Variants in PDGFD observed in about 807,000 individuals in gnomAD.
PDGFD encodes platelet-derived growth factor D.
In PDGFD, 30 loss-of-function variants were observed where a neutral mutation model predicts 44.7. The ratio of observed to expected loss-of-function variants is 0.67; its 90% CI spans 0.50 to 0.91. The LOEUF is 0.91. PDGFD is among the 40% of genes least tolerant of loss of function. The pLI, the probability that PDGFD is intolerant of heterozygous loss-of-function variation, is 0.00. For missense variants in PDGFD, 445 were observed against 457.8 expected (o/e 0.97, Z 0.25); for synonymous variants, 173 against 168.4 (o/e 1.03, Z -0.21).
intron 1 of PDGFD, among the ~76,000 whole-genome samples, chr11:104,157,276 G>T (rs192666682): frequency 3.0e-4 from 45 of 152,262 alleles, no homozygotes; most frequent in African/African-American, 1.1e-3. Flanking sequence ...TATTAAAAAT[G>T]AAATGATTCC....
At chr11:103,915,120 T>G (rs978990636) in intron 6 of PDGFD, among the ~76,000 whole-genome samples, 15 of 152,012 alleles carry the variant, frequency 9.9e-5, no homozygotes, top group African/African-American at 3.1e-4. Flanking sequence ...TAGAAAGAAA[T>G]AAAGGGTATT....
At chr11:104,119,111 A>G (rs368954130) in intron 1 of PDGFD, among the ~76,000 whole-genome samples, 2 of 64,122 alleles carry the variant, frequency 3.1e-5, no homozygotes, top group African/African-American at 6.7e-5. Flanking sequence ...ATAATATATT[A>G]ATATAATATA....
At chr11:104,055,230 C>A (rs1434783910) in intron 1 of PDGFD, among the ~76,000 whole-genome samples, 2 of 152,146 alleles carry the variant, frequency 1.3e-5, no homozygotes, top group Non-Finnish European at 2.9e-5. Context: ...TTGGAAGGAG[C>A]GCAGATGTGT....
chr11:104,053,731 C>T (rs964150505), intron 1 of PDGFD, among the ~76,000 whole-genome samples: 7 of 152,114 alleles, frequency 4.6e-5, no homozygotes, highest in African/African-American at 1.7e-4. Flanking sequence ...CAGGATATTA[C>T]AAACACAGAG....
intron 1 of PDGFD, among the ~76,000 whole-genome samples, chr11:104,112,994 T>A (rs1317765018): frequency 6.6e-6 from 1 of 152,224 alleles, no homozygotes; most frequent in African/African-American, 2.4e-5. Context: ...TGTTTACCTA[T>A]GTAATAAACC....
At chr11:104,122,693 T>C (rs1210896257) in intron 1 of PDGFD, among the ~76,000 whole-genome samples, 3 of 150,132 alleles carry the variant, frequency 2.0e-5, no homozygotes, top group African/African-American at 4.9e-5. Flanking sequence ...TATGTAATAC[T>C]GAAAATACAA....
chr11:104,023,677 A>G (rs1859997102), intron 1 of PDGFD, among the ~76,000 whole-genome samples: 1 of 152,150 alleles, frequency 6.6e-6, no homozygotes, highest in African/African-American at 2.4e-5. Flanking sequence ...TAGCCATAGA[A>G]TAAAGATTAA....
At chr11:104,125,717 A>G (rs1308581011) in intron 1 of PDGFD, among the ~76,000 whole-genome samples, 1 of 152,142 alleles carries the variant, frequency 6.6e-6, no homozygotes, top group Non-Finnish European at 1.5e-5. Flanking sequence ...GTATTTACCA[A>G]TGACTTTTTT....
chr11:103,970,863 A>G (rs1859093373), intron 3 of PDGFD, among the ~76,000 whole-genome samples: 1 of 152,152 alleles, frequency 6.6e-6, no homozygotes, highest in Admixed American at 6.5e-5. Flanking sequence ...AGTTTTCCCA[A>G]TAGTAATATC....
intron 3 of PDGFD, among the ~76,000 whole-genome samples, chr11:103,958,796 T>C (rs1591095009): frequency 1.3e-5 from 2 of 152,300 alleles, no homozygotes; most frequent in East Asian, 3.9e-4. Context: ...GGCCAAAAGC[T>C]AGTTACATTA....
At chr11:104,018,186 A>G (rs1859890378) in intron 1 of PDGFD, among the ~76,000 whole-genome samples, 1 of 152,110 alleles carries the variant, frequency 6.6e-6, no homozygotes, top group Non-Finnish European at 1.5e-5. Flanking sequence ...AGCTTCTGGA[A>G]AATAAAGACT....
intron 1 of PDGFD, among the ~76,000 whole-genome samples, chr11:104,064,884 A>C (rs1443229194): frequency 6.6e-6 from 1 of 152,210 alleles, no homozygotes; most frequent in Non-Finnish European, 1.5e-5. Context: ...GTTAATATTG[A>C]GTGTCAACTT....
At chr11:103,976,600 T>G (rs756020474) in intron 3 of PDGFD, among the ~76,000 whole-genome samples, 4 of 152,190 alleles carry the variant, frequency 2.6e-5, no homozygotes, top group Non-Finnish European at 4.4e-5. Context: ...CATCCTTGTC[T>G]TGTGCCAGTT....
intron 1 of PDGFD, among the ~76,000 whole-genome samples, chr11:104,147,538 T>C (rs1300329198): frequency 3.3e-5 from 5 of 152,168 alleles, no homozygotes; most frequent in African/African-American, 1.2e-4. Flanking sequence ...TGCTGTAATA[T>C]TTTTTATTAA....
chr11:103,933,983 T>C (rs2134315770), intron 5 of PDGFD, among the ~76,000 whole-genome samples: 1 of 152,188 alleles, frequency 6.6e-6, no homozygotes, highest in East Asian at 1.9e-4. Flanking sequence ...AAATGAAAAA[T>C]TTTTTAAAAA....
rs112182863 is a variant in PDGFD at position 103,954,742 on chromosome 11, G to A, written c.511-7018C>T. On this transcript the variant is annotated intron_variant, in intron 3 of 6. Coordinates refer to ENST00000393158, the MANE Select transcript of PDGFD (RefSeq NM_025208.5). ...AAATAAAGAAATCCCTCTCCTAATT[G>A]TATCTGTGCTTCTTGATTGAGTTAA... Among the ~76,000 whole-genome samples, 1,334 of 152,188 alleles carry A rather than the reference G, an allele frequency of 8.8e-3. 21 individuals carry two copies. Among genetic ancestry groups the A allele is most frequent in the African/African-American group, 0.031 (1,274 of 41,516 alleles).
intron 1 of PDGFD, among the ~76,000 whole-genome samples, chr11:104,127,575 T>C (rs1210662119): frequency 6.6e-6 from 1 of 152,142 alleles, no homozygotes; most frequent in Non-Finnish European, 1.5e-5. Context: ...GCCTTTACCA[T>C]CACATCCAGT....
At chr11:104,119,932 T>C (rs961775855) in intron 1 of PDGFD, among the ~76,000 whole-genome samples, 1 of 136,536 alleles carries the variant, frequency 7.3e-6, no homozygotes, top group East Asian at 2.1e-4. Context: ...ATTATATAAT[T>C]AAATTATATA....
intron 1 of PDGFD, among the ~76,000 whole-genome samples, chr11:104,049,279 G>A (rs1233672843): frequency 6.6e-6 from 1 of 152,116 alleles, no homozygotes; most frequent in Admixed American, 6.5e-5. Flanking sequence ...GAACCTGGAT[G>A]ATGAAAAAGG....
Sources: allele counts gnomAD v4.1 joint callset (sites outside exome capture counted in the v4.1 genomes callset), GRCh38; gene constraint gnomAD v4.1.1; transcripts MANE v1.5; gene names NCBI Gene and HGNC (gene_info 2026-07-23, HGNC 2026-07-21).